Variants in COA1 observed in about 807,000 individuals in gnomAD.
The protein encoded by COA1 is cytochrome c oxidase assembly factor 1 homolog.
Under a neutral mutation model 16.0 loss-of-function variants are expected in COA1, and 13 were observed. The observed-to-expected ratio is 0.81, with a 90% CI of 0.53 to 1.29. The LOEUF (loss-of-function observed/expected upper bound fraction) is 1.29, where lower values mean the gene tolerates loss of function less well. COA1 is among the 50% of genes most tolerant of loss of function. COA1 has a pLI of 0.00. For missense variants in COA1, 179 were observed against 177.0 expected (o/e 1.01, Z -0.06); for synonymous variants, 65 against 65.7 (o/e 0.99, Z 0.05).
exon 7 of COA1, chr7:43,609,133 G>T (rs1023871674): frequency 1.3e-4 from 20 of 152,298 alleles, no homozygotes; most frequent in African/African-American, 4.3e-4. Flanking sequence ...AGTATTCAGG[G>T]TTCAAAAACT....
At chr7:43,625,000 C>T (rs187859672) in intron 6 of COA1, 157 of 648,594 alleles carry the variant, frequency 2.4e-4, no homozygotes, top group Admixed American at 6.2e-4. Flanking sequence ...AGGTGGAAGC[C>T]AGATTTTAAA....
At chr7:43,689,698 T>C (rs1412261830) in intron 1 of COA1, among the ~76,000 whole-genome samples, 3 of 152,210 alleles carry the variant, frequency 2.0e-5, no homozygotes, top group Non-Finnish European at 4.4e-5. Flanking sequence ...TAATGTATTA[T>C]GGGGTTTATA....
chr7:43,644,697 A>ATAAATAGATAGAT, intron 4 of COA1, among the ~76,000 whole-genome samples: 1 of 75,554 alleles, frequency 1.3e-5, no homozygotes, highest in Non-Finnish European at 3.2e-5. Context: ...TGGCTAAATT[A>ATAAATAGATAGAT]TAGATAGATA....
rs750726070 is a variant in COA1 at position 43,645,446 on chromosome 7, T to C, written c.116-47A>G. 9.8e-6 allele frequency: 15 copies of C among 1,534,860 alleles called. 1 individual carries two copies. In the South Asian group the frequency reaches 1.7e-4, roughly 17 times the overall value. On this transcript the variant is annotated intron_variant, in intron 3 of 5. Transcript: ENST00000223336. ...ATTTTCTTTATTGAACTTGGTCAGG[T>C]AGAATCTACTACACAGAAAATTAAA...
At chr7:43,684,043 G>A (rs891351677) in intron 1 of COA1, among the ~76,000 whole-genome samples, 3 of 152,084 alleles carry the variant, frequency 2.0e-5, no homozygotes, top group Non-Finnish European at 4.4e-5. Context: ...TGCTACTGTC[G>A]GCTAGAATCT....
intron 1 of COA1, among the ~76,000 whole-genome samples, chr7:43,679,626 T>G (rs941688361): frequency 1.3e-5 from 2 of 152,238 alleles, no homozygotes; most frequent in Non-Finnish European, 2.9e-5. Context: ...TCCCCTGGAC[T>G]AGAATACTCC....
In COA1 at chr7:43,640,632, A is replaced by G. The variant is rs759685833; in HGVS notation, c.282T>C (p.Ser94=). 3.7e-6 allele frequency: 6 copies of G among 1,606,002 alleles called. No individual in the cohort carries two copies. The highest frequency in any genetic ancestry group is 4.5e-5 in the East Asian group (2 of 44,476). Residue 94 remains serine (S), a synonymous_variant, in exon 5 of 6, where the codon TCT becomes TCC. Coordinates refer to ENST00000223336, the MANE Select transcript of COA1 (RefSeq NM_018224.4). ...IVDAKLKIPV[S]GSKSEGLLYV... ...AGAGAAGGCCCTCTGATTTGGATCC[A>G]GAGACAGGAATCTTCAACTGTGGGT...
At chr7:43,623,515 G>C in intron 6 of COA1, 1 of 1,493,362 alleles carries the variant, frequency 6.7e-7, no homozygotes, top group South Asian at 1.2e-5. Context: ...ATCTCTTAGA[G>C]CAAATTAGGA....
At chr7:43,711,553 C>G (rs990313664) in intron 1 of COA1, 1 of 152,114 alleles carries the variant, frequency 6.6e-6, no homozygotes, top group Non-Finnish European at 1.5e-5. Context: ...TCACATGTAT[C>G]AAATAGTCAT....
At chr7:43,717,504 T>A (rs2095418890) in intron 1 of COA1, among the ~76,000 whole-genome samples, 1 of 152,202 alleles carries the variant, frequency 6.6e-6, no homozygotes. Context: ...TGTAAACCCA[T>A]TCTATCTAGG....
chr7:43,629,645 CT>C (rs1380738048), intron 6 of COA1, among the ~76,000 whole-genome samples: 3 of 152,134 alleles, frequency 2.0e-5, no homozygotes, highest in Non-Finnish European at 4.4e-5. Flanking sequence ...TCTTTTGAAA[CT>C]TTTGTTGGTA....
At chr7:43,618,884 G>A (rs901018836) in intron 6 of COA1, among the ~76,000 whole-genome samples, 1 of 152,170 alleles carries the variant, frequency 6.6e-6, no homozygotes, top group Non-Finnish European at 1.5e-5. Context: ...AGCTTTGGAA[G>A]TAGATGAAAT....
intron 1 of COA1, among the ~76,000 whole-genome samples, chr7:43,669,541 C>A (rs190022579): frequency 6.6e-6 from 1 of 152,050 alleles, no homozygotes; most frequent in African/African-American, 2.4e-5. Flanking sequence ...GTTTTTTCCG[C>A]GGGCTACGTG....
chr7:43,722,932 G>T (rs536023012), intron 1 of COA1, among the ~76,000 whole-genome samples: 1 of 152,268 alleles, frequency 6.6e-6, no homozygotes, highest in South Asian at 2.1e-4. Flanking sequence ...CAAGATAAAA[G>T]ATCACCAGAG....
intron 1 of COA1, among the ~76,000 whole-genome samples, chr7:43,662,559 T>C (rs2092545056): frequency 6.6e-6 from 1 of 152,234 alleles, no homozygotes. Flanking sequence ...CATAAAAATA[T>C]ATTGCAACAG....
At chr7:43,618,639 A>G (rs1218748284) in intron 6 of COA1, among the ~76,000 whole-genome samples, 1 of 152,210 alleles carries the variant, frequency 6.6e-6, no homozygotes, top group Non-Finnish European at 1.5e-5. Flanking sequence ...CGTGTTTTAA[A>G]AATTTAATGA....
At position 43,729,513 on chromosome 7, in the gene COA1, T is replaced by A. The variant is rs2095699692; in HGVS notation, c.-123A>T. On this transcript the variant is annotated 5_prime_UTR_variant, in exon 1 of 6. Coordinates refer to ENST00000223336, the MANE Select transcript of COA1 (RefSeq NM_018224.4). ...AAGCACGGGTAAATGCCCGCGGTCC[T>A]GCGCGCCAGCGGGGAGCAGTAGAGA... 1 of 152,298 alleles carries A rather than the reference T, an allele frequency of 6.6e-6. No individual in the cohort carries two copies. Among genetic ancestry groups the A allele is most frequent in the Non-Finnish European group, 1.5e-5 (1 of 68,090 alleles). The allele number at this position is 152,298 out of a possible 1,614,324, so 9.4% of individuals were successfully genotyped here. A position where few individuals can be genotyped will look rare whatever the true frequency, so the allele number is the denominator to read the frequency against.
chr7:43,627,709 G>A (rs954302021), intron 6 of COA1, among the ~76,000 whole-genome samples: 1 of 152,158 alleles, frequency 6.6e-6, no homozygotes, highest in Non-Finnish European at 1.5e-5. Context: ...TCTTAACCTC[G>A]AGAGCCTTAA....
downstream of COA1, chr7:43,638,987 A>G (rs969629763): frequency 3.3e-5 from 5 of 152,320 alleles, no homozygotes; most frequent in Non-Finnish European, 5.9e-5. Flanking sequence ...TTATTTTGCA[A>G]ATCTTCAACT....
Sources: gnomAD v4.1 joint callset for allele counts (sites outside exome capture counted in the v4.1 genomes callset) on GRCh38, gnomAD v4.1.1 for gene constraint, MANE v1.5 for transcripts, NCBI Gene and HGNC (gene_info 2026-07-23, HGNC 2026-07-21) for gene names.